Variants in FOXP1 observed in about 807,000 individuals in gnomAD.
FOXP1 encodes the protein forkhead box protein P1.
FOXP1 carries 15 observed loss-of-function variants against 98.2 expected under a neutral mutation model. That is an observed-to-expected ratio of 0.15 (90% CI 0.10 to 0.24). The LOEUF is 0.24. Among genes scored for constraint, FOXP1 ranks in the 10% least tolerant of loss-of-function variants. The pLI, the probability that FOXP1 is intolerant of heterozygous loss-of-function variation, is 1.00. For missense variants in FOXP1, 633 were observed against 848.5 expected (o/e 0.75, Z 3.15); for synonymous variants, 371 against 314.5 (o/e 1.18, Z -1.90).
At chr3:71,040,180 T>C (rs1314477286) in intron 11 of FOXP1, 3 of 152,000 alleles carry the variant, frequency 2.0e-5, no homozygotes, top group African/African-American at 7.3e-5. Context: ...GGTATAAAGA[T>C]ACACATCTAA....
chr3:71,470,398 T>C (rs1317837628), intron 3 of FOXP1, among the ~76,000 whole-genome samples: 1 of 152,232 alleles, frequency 6.6e-6, no homozygotes, highest in Middle Eastern at 3.2e-3. Flanking sequence ...TCATAAGTAA[T>C]TCTTCTTTCT....
chr3:71,159,403 G>C (rs779251302), intron 6 of FOXP1, among the ~76,000 whole-genome samples: 33 of 152,170 alleles, frequency 2.2e-4, no homozygotes, highest in Non-Finnish European at 3.5e-4. Context: ...TATTACAAAG[G>C]AGATGCCAAC....
chr3:71,357,379 A>G (rs1028006163), intron 4 of FOXP1, among the ~76,000 whole-genome samples: 3 of 152,248 alleles, frequency 2.0e-5, no homozygotes, highest in African/African-American at 7.2e-5. Context: ...GCTGAGAATT[A>G]AACAGGCTAA....
chr3:71,338,631 T>C (rs1014395168), intron 4 of FOXP1, among the ~76,000 whole-genome samples: 16 of 152,134 alleles, frequency 1.1e-4, no homozygotes, highest in South Asian at 2.1e-4. Context: ...GGTTTCACCC[T>C]ATTAAGCCAG....
chr3:71,167,875 T>C (rs1186107638), intron 6 of FOXP1, among the ~76,000 whole-genome samples: 2 of 152,204 alleles, frequency 1.3e-5, no homozygotes, highest in African/African-American at 2.4e-5. Context: ...AAAAATTACT[T>C]ACTTGTAGAG....
chr3:71,009,145 A>G (rs1026403305), intron 12 of FOXP1, among the ~76,000 whole-genome samples: 3 of 16,052 alleles, frequency 1.9e-4, no homozygotes, highest in African/African-American at 1.1e-3. Flanking sequence ...GGTCAATGAA[A>G]TCATGGGGGC....
At chr3:71,355,357 G>C (rs905360056) in intron 4 of FOXP1, among the ~76,000 whole-genome samples, 3 of 152,176 alleles carry the variant, frequency 2.0e-5, no homozygotes, top group African/African-American at 4.8e-5. Context: ...AATTCATGAA[G>C]GGACAGGGCT....
intron 5 of FOXP1, among the ~76,000 whole-genome samples, chr3:71,267,769 G>C (rs1375208445): frequency 6.6e-6 from 1 of 152,116 alleles, no homozygotes; most frequent in Non-Finnish European, 1.5e-5. Flanking sequence ...TGTAATTCCA[G>C]CACTTCTGGA....
rs2048363653 is a variant in FOXP1 at position 71,583,552 on chromosome 3, T to G, written c.-447+19A>C. Reference sequence around the variant, plus strand: ...GGCTTGGGAAAAAGTGGAGCAGAAATGGAAAAATACAAACTCACCCGCTGC... The same window carrying G: ...GGCTTGGGAAAAAGTGGAGCAGAAAGGGAAAAATACAAACTCACCCGCTGC... On this transcript the variant is annotated intron_variant, in intron 1 of 20. Transcript: ENST00000649528. The G allele has an allele frequency of 1.0e-6, 1 of 973,924 alleles. No individual in the cohort carries two copies. 60.3% of individuals were successfully genotyped at this position (973,924 alleles called of 1,614,324 possible).
chr3:71,467,679 C>A (rs1366077815), intron 3 of FOXP1, among the ~76,000 whole-genome samples: 1 of 152,130 alleles, frequency 6.6e-6, no homozygotes, highest in Non-Finnish European at 1.5e-5. Flanking sequence ...CAAAGACTGC[C>A]AATTAGCCCA....
intron 2 of FOXP1, among the ~76,000 whole-genome samples, chr3:71,503,554 T>C (rs2107220966): frequency 7.6e-6 from 1 of 132,394 alleles, no homozygotes; most frequent in South Asian, 2.3e-4. Flanking sequence ...TGAGCCAAGA[T>C]AGTGCCATTG....
intron 5 of FOXP1, among the ~76,000 whole-genome samples, chr3:71,230,984 A>T (rs1293710026): frequency 6.6e-6 from 1 of 152,216 alleles, no homozygotes; most frequent in Non-Finnish European, 1.5e-5. Flanking sequence ...ATTCCAGTAG[A>T]GTCTGACTAT....
intron 7 of FOXP1, among the ~76,000 whole-genome samples, chr3:71,089,608 A>T (rs2055563939): frequency 6.6e-6 from 1 of 152,182 alleles, no homozygotes; most frequent in Non-Finnish European, 1.5e-5. Flanking sequence ...TTCCTGCAGG[A>T]ACACTCTTCC....
At position 71,079,148 on chromosome 3, in the gene FOXP1, C is replaced by T. The variant is rs532274792; in HGVS notation, c.283-25375G>A. The stretch of plus-strand genomic sequence containing the variant: ...CCCCTGCGCCCCTCCAAATAGAGTG[C>T]GCAGAAATGAGCATGGTGGGACAGG... On this transcript the variant is annotated intron_variant, in intron 7 of 20. Transcript: ENST00000649528. Among the ~76,000 whole-genome samples, 6 of 152,254 alleles carry T rather than the reference C, an allele frequency of 3.9e-5. No homozygotes were observed. In the South Asian group the frequency reaches 8.3e-4, roughly 21 times the overall value.
At chr3:71,490,652 T>C (rs1046079848) in intron 3 of FOXP1, among the ~76,000 whole-genome samples, 2 of 152,220 alleles carry the variant, frequency 1.3e-5, no homozygotes, top group Admixed American at 6.5e-5. Context: ...AAAATTCTAG[T>C]ATTCCACTAG....
chr3:71,363,286 G>A (rs1322551470), intron 3 of FOXP1, among the ~76,000 whole-genome samples: 2 of 152,002 alleles, frequency 1.3e-5, no homozygotes, highest in Non-Finnish European at 2.9e-5. Context: ...CTGCCATCAC[G>A]GATAAAGAAT....
intron 2 of FOXP1, among the ~76,000 whole-genome samples, chr3:71,550,372 G>T (rs962843183): frequency 7.9e-5 from 12 of 152,154 alleles, no homozygotes; most frequent in African/African-American, 2.9e-4. Flanking sequence ...ACCGCTCCGT[G>T]CCTCAGTTTC....
chr3:71,513,783 G>T (rs1371379628), intron 2 of FOXP1, among the ~76,000 whole-genome samples: 1 of 152,174 alleles, frequency 6.6e-6, no homozygotes, highest in African/African-American at 2.4e-5. Flanking sequence ...TGCAAGCCCA[G>T]CTGCTGAAAC....
intron 3 of FOXP1, among the ~76,000 whole-genome samples, chr3:71,463,649 C>T (rs2088391671): frequency 1.3e-5 from 2 of 152,104 alleles, no homozygotes; most frequent in African/African-American, 4.8e-5. Flanking sequence ...ATGCCTGTAC[C>T]ATGCTTTGTG....
Sources: gnomAD v4.1 joint callset for allele counts (sites outside exome capture counted in the v4.1 genomes callset) on GRCh38, gnomAD v4.1.1 for gene constraint, MANE v1.5 for transcripts, NCBI Gene and HGNC (gene_info 2026-07-23, HGNC 2026-07-21) for gene names.